The following ACSM5 variants were observed in gnomAD, a reference collection of about 807,000 sequenced individuals.
The protein encoded by ACSM5 is acyl-CoA synthetase medium chain family member 5.
In ACSM5, 56 loss-of-function variants were observed where a neutral mutation model predicts 71.6. The observed-to-expected ratio is 0.78, with a 90% confidence interval of 0.63 to 0.98. ACSM5 has a LOEUF of 0.98. Ranked by LOEUF, ACSM5 falls within the 50% of genes least tolerant of loss-of-function variation. The pLI is 0.00. For missense variants in ACSM5, 723 were observed against 726.0 expected (o/e 1.00, Z 0.05); for synonymous variants, 285 against 281.5 (o/e 1.01, Z -0.12).
intron 5 of ACSM5, among the ~76,000 whole-genome samples, chr16:20,422,094 ATTTATTTTTATTTTTTAT>A (rs1567342702): frequency 6.6e-6 from 1 of 151,862 alleles, no homozygotes; most frequent in Non-Finnish European, 1.5e-5. Flanking sequence ...ACCACATTTT[ATTTATTTTTATTTTTTAT>A]TTTATTTTTA....
At chr16:20,431,365 C>G in intron 10 of ACSM5, 44 bp downstream of exon 10, 1 of 1,471,180 alleles carries the variant, frequency 6.8e-7, no homozygotes, top group Non-Finnish European at 9.5e-7. Context: ...TGACTGTGTG[C>G]TAAGCATTGT....
chr16:20,422,887 A>G (rs754696075), intron 5 of ACSM5, among the ~76,000 whole-genome samples: 1 of 152,192 alleles, frequency 6.6e-6, no homozygotes, highest in Non-Finnish European at 1.5e-5. Context: ...AATGGCCTGA[A>G]CAACTGGAAG....
chr16:20,433,439 C>A (rs1967138964), intron 10 of ACSM5, among the ~76,000 whole-genome samples: 2 of 151,992 alleles, frequency 1.3e-5, no homozygotes, highest in Non-Finnish European at 2.9e-5. Context: ...TTATCAAATG[C>A]ACAAATATTT....
In ACSM5 at chr16:20,440,527, A is replaced by T; in HGVS notation, c.*100A>T. 9.2e-7 allele frequency: 1 copy of T among 1,086,288 alleles called. No homozygotes were observed. The highest frequency in any genetic ancestry group is 1.4e-6 in the Non-Finnish European group (1 of 713,656). The allele number at this position is 1,086,288 out of a possible 1,614,324, so 67.3% of individuals were successfully genotyped here. A position where few individuals can be genotyped will look rare whatever the true frequency, so the allele number is the denominator to read the frequency against. The stretch of plus-strand genomic sequence containing the variant: ...GGGGAGCATCATCTCTTCGACCCTA[A>T]AGATGTCAAAGGTGTGCAGCTTCCA... On this transcript the variant is annotated 3_prime_UTR_variant, in exon 14 of 14. Coordinates refer to ENST00000331849, the MANE Select transcript of ACSM5 (RefSeq NM_017888.3).
In ACSM5 at chr16:20,428,563, T is replaced by C. The variant is rs1967034204; in HGVS notation, c.1001+696T>C. Among the ~76,000 whole-genome samples, 7 of 152,312 alleles carry C rather than the reference T, an allele frequency of 4.6e-5. No homozygotes were observed. The South Asian group carries it at 1.2e-3, about 27-fold the overall frequency. On this transcript the variant is annotated intron_variant, in intron 7 of 13. Coordinates refer to ENST00000331849, the MANE Select transcript of ACSM5 (RefSeq NM_017888.3). ...CTGTTCTCCCTCTTTTGTCCTCCCG[T>C]AAGTCATGAGGAGTCGTCCTCTCAT...
chr16:20,412,510 C>T (rs537550241), intron 2 of ACSM5, among the ~76,000 whole-genome samples: 16 of 152,186 alleles, frequency 1.1e-4, no homozygotes, highest in South Asian at 1.0e-3. Flanking sequence ...CTTTATTTTC[C>T]CTTATATCTG....
chr16:20,431,951 A>AT (rs1212880644), intron 10 of ACSM5, among the ~76,000 whole-genome samples: 69 of 141,514 alleles, frequency 4.9e-4, no homozygotes, highest in African/African-American at 1.1e-3. Flanking sequence ...TATCAAAAAA[A>AT]AAAAATAATA....
At position 20,419,391 on chromosome 16, in the gene ACSM5, A is replaced by C. The variant is rs1052165971; in HGVS notation, c.579A>C (p.Ser193=). 6.2e-7 allele frequency: 1 copy of C among 1,614,210 alleles called. No individual in the cohort carries two copies. Among genetic ancestry groups the C allele is most frequent in the South Asian group, 1.1e-5 (1 of 91,088 alleles). The change falls in exon 4 of 14, where the codon TCA becomes TCC. Residue 193 remains serine, a synonymous_variant. Coordinates refer to ENST00000331849, the MANE Select transcript of ACSM5 (RefSeq NM_017888.3). ...CCCTCCAGACCAAGCTGCTGGTGTC[A>C]GACAGCAGTCGGCCAGGCTGGTTGA... ...CPSLQTKLLV[S]DSSRPGWLNF... is the part of the protein sequence containing the mutation.
intron 2 of ACSM5, among the ~76,000 whole-genome samples, chr16:20,414,755 C>T (rs1000457556): frequency 7.2e-5 from 11 of 151,900 alleles, no homozygotes; most frequent in African/African-American, 1.2e-4. Context: ...TTGAGGAGCA[C>T]GGAAAAAAGC....
At chr16:20,417,662 A>G (rs1003752401) in intron 2 of ACSM5, among the ~76,000 whole-genome samples, 1 of 152,204 alleles carries the variant, frequency 6.6e-6, no homozygotes, top group Non-Finnish European at 1.5e-5. Context: ...CATACTAAGA[A>G]CCAGTGAGTT....
Position 20,430,845 on chromosome 16 carries a change from G to C in ACSM5, c.1126-148G>C, listed in dbSNP as rs548390695. ...GGGAGGAAGAATGGAGAGAAATGGA[G>C]AGAGGAGAAGGGAAAGAAAGAAGAA... On this transcript the variant is annotated intron_variant, in intron 8 of 13. Transcript: ENST00000331849. The C allele has an allele frequency of 8.3e-6, 5 of 599,552 alleles. No individual in the cohort carries two copies. In the African/African-American group the frequency reaches 9.4e-5, roughly 11 times the overall value. 37.1% of individuals were successfully genotyped at this position (599,552 alleles called of 1,614,324 possible). A position where few individuals can be genotyped will look rare whatever the true frequency, so the allele number is the denominator to read the frequency against.
chr16:20,411,752 G>A (rs1966848260), intron 2 of ACSM5, 64 bp downstream of exon 2: 2 of 1,524,790 alleles, frequency 1.3e-6, no homozygotes, highest in Admixed American at 1.7e-5. Context: ...GTACCACAAT[G>A]AGACTCAAGG....
intron 7 of ACSM5, among the ~76,000 whole-genome samples, chr16:20,428,520 G>A (rs1333935303): frequency 6.6e-6 from 1 of 152,212 alleles, no homozygotes; most frequent in African/African-American, 2.4e-5. Context: ...CTGTCCTTCA[G>A]TATCCACCAA....
intron 2 of ACSM5, 99 bp from the exon 3 acceptor site, chr16:20,417,960 G>A: frequency 8.3e-7 from 1 of 1,207,354 alleles, no homozygotes; most frequent in Non-Finnish European, 1.1e-6. Flanking sequence ...TGAACCCTGT[G>A]AATTTTATAT....
At chr16:20,429,833 C>G in intron 8 of ACSM5, 32 bp downstream of exon 8, 2 of 1,607,400 alleles carry the variant, frequency 1.2e-6, no homozygotes, top group Non-Finnish European at 1.7e-6. Flanking sequence ...TCCCTACCCC[C>G]CAGGTCCCCT....
intron 5 of ACSM5, among the ~76,000 whole-genome samples, chr16:20,421,923 C>G (rs1211895778): frequency 6.6e-6 from 1 of 151,612 alleles, no homozygotes; most frequent in Non-Finnish European, 1.5e-5. Context: ...GAATTTGATA[C>G]TCTAGGTATT....
chr16:20,434,359 CT>C (rs1277476681), intron 10 of ACSM5, among the ~76,000 whole-genome samples: 1 of 152,108 alleles, frequency 6.6e-6, no homozygotes, highest in Non-Finnish European at 1.5e-5. Context: ...ATAAATCCTC[CT>C]TTTCCCAGTT....
chr16:20,432,724 T>TGA (rs1330461529), intron 10 of ACSM5, among the ~76,000 whole-genome samples: 2 of 152,140 alleles, frequency 1.3e-5, no homozygotes, highest in African/African-American at 4.8e-5. Flanking sequence ...TTTCTGGTTG[T>TGA]GAGATTGTTC....
intron 6 of ACSM5, among the ~76,000 whole-genome samples, chr16:20,425,630 C>A (rs1966964940): frequency 6.6e-6 from 1 of 152,112 alleles, no homozygotes; most frequent in Admixed American, 6.5e-5. Context: ...ATTCTTACAC[C>A]TTTGCATCCT....
Sources: gnomAD v4.1 joint callset for allele counts (sites outside exome capture counted in the v4.1 genomes callset) on GRCh38, gnomAD v4.1.1 for gene constraint, MANE v1.5 for transcripts, NCBI Gene and HGNC (gene_info 2026-07-23, HGNC 2026-07-21) for gene names.